The following ROBO2 variants were observed in gnomAD, a reference collection of about 807,000 sequenced individuals.
The protein encoded by ROBO2 is roundabout homolog 2.
In ROBO2, 53 loss-of-function variants were observed where a neutral mutation model predicts 160.8. That is an observed-to-expected ratio of 0.33 (90% CI 0.26 to 0.41). The LOEUF (loss-of-function observed/expected upper bound fraction) is 0.41. Ranked by LOEUF, ROBO2 falls within the 10% of genes least tolerant of loss-of-function variation. The pLI, the probability that ROBO2 is intolerant of heterozygous loss-of-function variation, is 1.00. For synonymous variants in ROBO2, 664 were observed against 611.7 expected, an observed-to-expected ratio of 1.09 and a Z score of -1.26; for missense variants, 1,577 against 1,722.4, an observed-to-expected ratio of 0.92 and a Z score of 1.49.
chr3:76,342,712 A>AT (rs1188503564), intron 2 of ROBO2, among the ~76,000 whole-genome samples: 5 of 152,238 alleles, frequency 3.3e-5, no homozygotes, highest in African/African-American at 9.6e-5. Context: ...ATGGTAGGGA[A>AT]TTTTTTACAG....
At chr3:76,639,144 C>G (rs1007994813) in intron 2 of ROBO2, among the ~76,000 whole-genome samples, 4 of 151,806 alleles carry the variant, frequency 2.6e-5, no homozygotes, top group Non-Finnish European at 5.9e-5. Context: ...ATATATGTAT[C>G]TATACATATG....
intron 2 of ROBO2, among the ~76,000 whole-genome samples, chr3:76,503,923 T>C (rs1560057485): frequency 6.6e-6 from 1 of 152,208 alleles, no homozygotes; most frequent in Non-Finnish European, 1.5e-5. Flanking sequence ...CTGGTTTTCA[T>C]TACTCTTTTC....
In ROBO2 at chr3:76,766,408, C is replaced by T. The variant is rs967025933; in HGVS notation, c.110-331606C>T. On this transcript the variant is annotated intron_variant, in intron 2 of 26. Transcript: ENST00000487694. ...TAATAATGTGAAGAAGGCCAGCTAGCAGCTTTTAAAAATGGAGTGTTGCTG... is the reference window on the plus strand; with the variant it reads ...TAATAATGTGAAGAAGGCCAGCTAGTAGCTTTTAAAAATGGAGTGTTGCTG... Among the ~76,000 whole-genome samples the T allele has an allele frequency of 1.7e-4, 26 of 151,604 alleles. 1 individual carries two copies. The highest frequency in any genetic ancestry group is 4.0e-4 in the Admixed American group (6 of 15,188).
chr3:77,217,560 C>G (rs2151162903), intron 2 of ROBO2, among the ~76,000 whole-genome samples: 1 of 152,306 alleles, frequency 6.6e-6, no homozygotes, highest in East Asian at 1.9e-4. Flanking sequence ...TCCTGGTCAT[C>G]TTCTGTCAAT....
intron 2 of ROBO2, among the ~76,000 whole-genome samples, chr3:76,085,243 C>G (rs4464462): frequency 0.62 from 93,588 of 151,740 alleles, 29,653 homozygotes; most frequent in Middle Eastern, 0.76. Context: ...ATTGACAAAC[C>G]AATTCATTCT....
At chr3:77,441,116 C>A (rs1322898549) in intron 2 of ROBO2, among the ~76,000 whole-genome samples, 1 of 151,946 alleles carries the variant, frequency 6.6e-6, no homozygotes, top group Non-Finnish European at 1.5e-5. Context: ...CCCTCTGGAC[C>A]TTTCCTCTTT....
chr3:77,583,263 T>G (rs2093966548), intron 16 of ROBO2, among the ~76,000 whole-genome samples: 1 of 152,116 alleles, frequency 6.6e-6, no homozygotes, highest in African/African-American at 2.4e-5. Context: ...TGGGTTAGTC[T>G]TGGCTGCATC....
At chr3:77,627,311 G>A (rs1038509085) in intron 23 of ROBO2, among the ~76,000 whole-genome samples, 3 of 150,890 alleles carry the variant, frequency 2.0e-5, no homozygotes, top group Non-Finnish European at 2.9e-5. Flanking sequence ...ATGTTGTCTC[G>A]CTCTGTCACC....
At chr3:77,398,053 T>C (rs964415083) in intron 2 of ROBO2, among the ~76,000 whole-genome samples, 1 of 152,174 alleles carries the variant, frequency 6.6e-6, no homozygotes. Context: ...GAGAACATTA[T>C]AGGTCTTTTA....
At chr3:76,970,253 C>T (rs1231913650) in intron 2 of ROBO2, among the ~76,000 whole-genome samples, 6 of 152,152 alleles carry the variant, frequency 3.9e-5, no homozygotes, top group Non-Finnish European at 7.3e-5. Flanking sequence ...TCTCAAGGGC[C>T]TACCTCTACC....
intron 7 of ROBO2, among the ~76,000 whole-genome samples, chr3:77,548,298 CACAA>C (rs747133918): frequency 2.1e-4 from 32 of 152,138 alleles, no homozygotes; most frequent in East Asian, 5.8e-4. Flanking sequence ...TTTTACTTCA[CACAA>C]ACAAAGTTTA....
intron 2 of ROBO2, among the ~76,000 whole-genome samples, chr3:76,757,098 C>A (rs1422944963): frequency 6.6e-6 from 1 of 151,528 alleles, no homozygotes; most frequent in Admixed American, 6.6e-5. Flanking sequence ...ATTTGTTTAC[C>A]AGATTTTATG....
chr3:76,715,141 C>T (rs1458716941), intron 2 of ROBO2, among the ~76,000 whole-genome samples: 1 of 152,056 alleles, frequency 6.6e-6, no homozygotes, highest in African/African-American at 2.4e-5. Context: ...TCTTTTTCCT[C>T]TTCCATCTCG....
At chr3:76,457,368 T>A (rs1432741646) in intron 2 of ROBO2, among the ~76,000 whole-genome samples, 1 of 152,130 alleles carries the variant, frequency 6.6e-6, no homozygotes, top group Non-Finnish European at 1.5e-5. Flanking sequence ...ACTTTAAAGC[T>A]CCAAAAGGAT....
At chr3:77,030,180 G>A (rs924820915) in intron 2 of ROBO2, among the ~76,000 whole-genome samples, 12 of 139,854 alleles carry the variant, frequency 8.6e-5, no homozygotes, top group African/African-American at 3.8e-4. Flanking sequence ...TCCTGACCTC[G>A]TGATCCGCCT....
At chr3:76,070,684 T>C (rs577716415) in intron 2 of ROBO2, among the ~76,000 whole-genome samples, 12 of 152,164 alleles carry the variant, frequency 7.9e-5, no homozygotes, top group Non-Finnish European at 1.5e-4. Context: ...TTGCTGGTTT[T>C]TGTGGCTTGT....
At chr3:76,233,300 C>T (rs1262914766) in intron 2 of ROBO2, among the ~76,000 whole-genome samples, 3 of 152,040 alleles carry the variant, frequency 2.0e-5, no homozygotes, top group Admixed American at 6.6e-5. Context: ...CTTGCCACCA[C>T]ACCCAGCTAA....
chr3:77,568,664 C>G (rs1366166362), intron 13 of ROBO2, among the ~76,000 whole-genome samples: 1 of 152,004 alleles, frequency 6.6e-6, no homozygotes. Context: ...TTTCTAACAG[C>G]TTTCTTGCGA....
At chr3:77,612,870 G>A (rs561851638) in intron 21 of ROBO2, among the ~76,000 whole-genome samples, 7 of 152,074 alleles carry the variant, frequency 4.6e-5, no homozygotes, top group South Asian at 4.1e-4. Flanking sequence ...GGAGAATGGC[G>A]TGAACTTGGG....
Sources: gnomAD v4.1 joint callset for allele counts (sites outside exome capture counted in the v4.1 genomes callset) on GRCh38, gnomAD v4.1.1 for gene constraint, MANE v1.5 for transcripts, NCBI Gene and HGNC (gene_info 2026-07-23, HGNC 2026-07-21) for gene names.